Variants in BIRC6 observed in about 807,000 individuals in gnomAD.
BIRC6 encodes dual E2 ubiquitin-conjugating enzyme/E3 ubiquitin-protein ligase BIRC6.
BIRC6 carries 98 observed loss-of-function variants against 503.3 expected under a neutral mutation model. That is an observed-to-expected ratio of 0.19 (90% confidence interval 0.17 to 0.23). The LOEUF (loss-of-function observed/expected upper bound fraction) is 0.23. Ranked by LOEUF, BIRC6 falls within the 10% of genes least tolerant of loss-of-function variation. The pLI, the probability that BIRC6 is intolerant of heterozygous loss-of-function variation, is 1.00. For synonymous variants in BIRC6, 2,240 were observed against 2,078.7 expected (o/e 1.08, Z -2.11); for missense variants, 5,360 against 5,806.0 (o/e 0.92, Z 2.50).
chr2:32,499,231 G>A (rs2052859747), intron 45 of BIRC6, among the ~76,000 whole-genome samples: 1 of 152,178 alleles, frequency 6.6e-6, no homozygotes, highest in African/African-American at 2.4e-5. Flanking sequence ...ATTATAAGAA[G>A]TGCCTTGTGA....
At chr2:32,442,003 T>C (rs2045488597) in intron 17 of BIRC6, 62 bp from the exon 18 acceptor site, 5 of 1,252,910 alleles carry the variant, frequency 4.0e-6, no homozygotes, top group Non-Finnish European at 3.2e-6. Flanking sequence ...TCCAGCCAGG[T>C]TGTGATAGCT....
intron 6 of BIRC6, 84 bp downstream of exon 6, chr2:32,395,677 T>C (rs2039792306): frequency 7.8e-7 from 1 of 1,275,276 alleles, no homozygotes; most frequent in East Asian, 2.3e-5. Flanking sequence ...GCTTATGATA[T>C]AATTTTTTGC....
At chr2:32,377,798 C>T (rs1328390191) in intron 2 of BIRC6, 29 bp downstream of exon 2, 29 of 1,568,320 alleles carry the variant, frequency 1.8e-5, no homozygotes, top group Non-Finnish European at 2.5e-5. Flanking sequence ...CAATGTGGTC[C>T]TCTACTTAAT....
intron 1 of BIRC6, among the ~76,000 whole-genome samples, chr2:32,369,904 A>T (rs1277384008): frequency 1.5e-5 from 2 of 132,688 alleles, no homozygotes; most frequent in African/African-American, 2.9e-5. Context: ...TAGCCTGGGC[A>T]ACATAGTGAG....
At position 32,524,988 on chromosome 2, in the gene BIRC6, T is replaced by A. The variant is rs1355687527; in HGVS notation, c.11724T>A (p.Phe3908Leu). The change falls in exon 58 of 74, where the codon TTT (phenylalanine) becomes TTA (leucine). Residue 3908 changes from phenylalanine (F) to leucine (L), a missense_variant. Phe to Leu is a conservative substitution (Grantham distance 22). This residue lies in a region of BIRC6 where 878 missense variants were observed against 928.9 expected (regional missense o/e 0.95). Transcript: ENST00000421745. ...AAAAAGTTAAAGCGGAAAATGGATT[T>A]CAAGACAATTACAGTGTTGTTGTTG... The part of the protein sequence containing the change: ...EKEKVKAENG[F>L]QDNYSVVVAS... 6.4e-7 allele frequency: 1 copy of A among 1,572,950 alleles called. No individual in the cohort carries two copies. Among genetic ancestry groups the A allele is most frequent in the Non-Finnish European group, 8.6e-7 (1 of 1,161,760 alleles).
chr2:32,531,121 A>G (rs2056714680), intron 60 of BIRC6, among the ~76,000 whole-genome samples: 1 of 152,186 alleles, frequency 6.6e-6, no homozygotes, highest in African/African-American at 2.4e-5. Flanking sequence ...GGTGATGCCA[A>G]TACTACTAGT....
intron 44 of BIRC6, 115 bp downstream of exon 44, chr2:32,491,673 CAA>C: frequency 1.8e-6 from 2 of 1,102,446 alleles, no homozygotes; most frequent in Non-Finnish European, 1.2e-6. Context: ...TTTTATGTAT[CAA>C]TATAATAAAA....
intron 39 of BIRC6, among the ~76,000 whole-genome samples, chr2:32,484,898 G>T (rs1197771368): frequency 6.6e-6 from 1 of 152,104 alleles, no homozygotes; most frequent in East Asian, 1.9e-4. Flanking sequence ...TATTCACAAT[G>T]TTGTCATCTG....
chr2:32,579,992 C>T lies in BIRC6; in HGVS notation c.13355+4626C>T, dbSNP rs1359451484. On this transcript the variant is annotated intron_variant, in intron 66 of 73. Transcript: ENST00000421745. ...TTTTTTGGACAGAGTCTCGCTCTCT[C>T]GGCCAGGCTGGAGTGCAGTGGCTTG... 2.7e-5 allele frequency among the ~76,000 whole-genome samples: 4 copies of T among 147,872 alleles called. No individual in the cohort carries two copies. In the South Asian group the frequency reaches 6.4e-4, roughly 24 times the overall value.
intron 2 of BIRC6, chr2:32,378,986 A>G (rs916535575): frequency 2.0e-5 from 3 of 152,228 alleles, no homozygotes; most frequent in African/African-American, 7.2e-5. Flanking sequence ...GTTGTGTTCT[A>G]TAATAAAGTG....
intron 1 of BIRC6, among the ~76,000 whole-genome samples, chr2:32,375,643 G>T (rs139316792): frequency 6.6e-6 from 1 of 151,774 alleles, no homozygotes; most frequent in African/African-American, 2.4e-5. Flanking sequence ...CTGTGGTTGC[G>T]TGCCATTTCA....
At chr2:32,555,477 A>G (rs1165189108) in intron 65 of BIRC6, among the ~76,000 whole-genome samples, 2 of 152,044 alleles carry the variant, frequency 1.3e-5, no homozygotes, top group African/African-American at 4.8e-5. Context: ...CGTCTCTACT[A>G]AAAATACAAA....
At chr2:32,424,253 A>G (rs2043234626) in intron 10 of BIRC6, among the ~76,000 whole-genome samples, 1 of 151,804 alleles carries the variant, frequency 6.6e-6, no homozygotes, top group Non-Finnish European at 1.5e-5. Context: ...ATATATGAAT[A>G]TATATATATG....
intron 37 of BIRC6, 49 bp from the exon 38 acceptor site, chr2:32,481,271 A>AT: frequency 7.0e-7 from 1 of 1,425,692 alleles, no homozygotes; most frequent in Admixed American, 2.6e-5. Flanking sequence ...TGTCATCTAA[A>AT]TTTTATGTGA....
chr2:32,613,926 G>A (rs928804862), intron 73 of BIRC6, among the ~76,000 whole-genome samples: 7 of 151,712 alleles, frequency 4.6e-5, no homozygotes, highest in Non-Finnish European at 8.8e-5. Flanking sequence ...CATTGTGTCT[G>A]TAACCCTGAC....
At chr2:32,433,073 C>G (rs1335309237) in intron 12 of BIRC6, among the ~76,000 whole-genome samples, 1 of 152,104 alleles carries the variant, frequency 6.6e-6, no homozygotes, top group African/African-American at 2.4e-5. Flanking sequence ...TATTGTGTGA[C>G]AGGGGAGAAT....
At chr2:32,516,380 G>A (rs1310414558) in intron 55 of BIRC6, among the ~76,000 whole-genome samples, 1 of 152,064 alleles carries the variant, frequency 6.6e-6, no homozygotes, top group East Asian at 1.9e-4. Context: ...GCCGAGTGTG[G>A]TGGCATGTGC....
At chr2:32,489,969 T>C (rs113551210) in intron 42 of BIRC6, 72 bp from the exon 43 acceptor site, 933 of 1,054,612 alleles carry the variant, frequency 8.8e-4, no homozygotes, top group Non-Finnish European at 1.2e-3. Flanking sequence ...TTTTTAAATT[T>C]ATTCTTTTGA....
intron 39 of BIRC6, among the ~76,000 whole-genome samples, chr2:32,484,301 C>T (rs1033385681): frequency 7.9e-5 from 12 of 152,028 alleles, no homozygotes; most frequent in Admixed American, 6.6e-4. Context: ...GCCTGTAATC[C>T]CAGCACTTGG....
Sources: allele counts gnomAD v4.1 joint callset (sites outside exome capture counted in the v4.1 genomes callset), GRCh38; gene constraint gnomAD v4.1.1; regional missense constraint gnomAD v4.1.1; transcripts MANE v1.5; gene names NCBI Gene and HGNC (gene_info 2026-07-23, HGNC 2026-07-21).